CYP2U1: variants seen among roughly 807,000 people sequenced by gnomAD.
CYP2U1 encodes cytochrome P450 2U1.
A neutral mutation model predicts 42.8 loss-of-function variants in CYP2U1; 28 were observed. The ratio of observed to expected loss-of-function variants is 0.65; its 90% CI spans 0.48 to 0.90. CYP2U1 has a LOEUF of 0.90. Ranked by LOEUF, CYP2U1 falls within the 40% of genes least tolerant of loss-of-function variation. The pLI is 0.00. For synonymous variants in CYP2U1, 296 were observed against 278.9 expected (o/e 1.06, Z -0.61); for missense variants, 642 against 693.8 (o/e 0.93, Z 0.84).
chr4:107,934,147 A>G (rs1270249421), intron 1 of CYP2U1, among the ~76,000 whole-genome samples: 4 of 149,258 alleles, frequency 2.7e-5, no homozygotes, highest in Admixed American at 6.7e-5. Flanking sequence ...AGGGGTCCCA[A>G]TTTCTCCACG....
intron 1 of CYP2U1, chr4:107,941,169 A>G (rs1020063433): frequency 5.3e-5 from 8 of 152,094 alleles, no homozygotes; most frequent in Non-Finnish European, 1.2e-4. Flanking sequence ...AAAAACAGGA[A>G]GATAGAATTC....
Position 107,945,103 on chromosome 4 carries a change from A to G in CYP2U1, c.624A>G (p.Ala208=). The change falls in exon 2 of 5, where the codon GCA becomes GCG. Residue 208 remains alanine (A), a synonymous_variant. Coordinates refer to ENST00000332884, the MANE Select transcript of CYP2U1 (RefSeq NM_183075.3). The part of the protein sequence containing the change: ...KIIEEFKYVK[A]EMQKHGEDPF... Reference sequence around the variant, plus strand: ...TTGAGGAGTTCAAATATGTGAAAGCAGAAATGCAAAAGCACGGAGAAGACC... The same window carrying G: ...TTGAGGAGTTCAAATATGTGAAAGCGGAAATGCAAAAGCACGGAGAAGACC... 2 of 1,614,016 alleles carry G rather than the reference A, an allele frequency of 1.2e-6. No individual in the cohort carries two copies. Among genetic ancestry groups the G allele is most frequent in the South Asian group, 2.2e-5 (2 of 91,068 alleles).
intron 2 of CYP2U1, 31 bp downstream of exon 2, chr4:107,945,636 C>T (rs374255821): frequency 6.6e-7 from 1 of 1,525,892 alleles, no homozygotes; most frequent in Non-Finnish European, 8.8e-7. Context: ...TTGTTCATGG[C>T]AAAACCAGGT....
intron 1 of CYP2U1, chr4:107,940,964 T>G (rs1276820937): frequency 6.6e-6 from 1 of 152,154 alleles, no homozygotes; most frequent in African/African-American, 2.4e-5. Flanking sequence ...AGACATAATC[T>G]ATCTTCCCCA....
intron 3 of CYP2U1, among the ~76,000 whole-genome samples, chr4:107,948,855 T>C (rs2126202237): frequency 6.6e-6 from 1 of 152,152 alleles, no homozygotes; most frequent in East Asian, 1.9e-4. Flanking sequence ...AGATAGACTG[T>C]TTATAGTATC....
In CYP2U1 at chr4:107,952,284, T is replaced by G. The variant is rs1733937045; in HGVS notation, c.*1861T>G. On this transcript the variant is annotated 3_prime_UTR_variant, in exon 5 of 5. Transcript: ENST00000332884. ...CCAGTTTTTAAAAAAATCACTGGAC[T>G]TTTGTGTTTACCATTTAAAACAACC... The G allele has an allele frequency of 6.6e-6, 1 of 152,260 alleles. No homozygotes were observed. The highest frequency in any genetic ancestry group is 2.4e-5 in the African/African-American group (1 of 41,478). The allele number at this position is 152,260 out of a possible 1,614,324, so 9.4% of individuals were successfully genotyped here. A position where few individuals can be genotyped will look rare whatever the true frequency, so the allele number is the denominator to read the frequency against.
intron 1 of CYP2U1, among the ~76,000 whole-genome samples, chr4:107,936,950 T>C (rs1034360976): frequency 6.6e-6 from 1 of 152,154 alleles, no homozygotes; most frequent in Non-Finnish European, 1.5e-5. Context: ...TGATAAAAAT[T>C]AGGTAAATTT....
At chr4:107,946,270 G>A (rs141932879) in intron 2 of CYP2U1, among the ~76,000 whole-genome samples, 1 of 152,204 alleles carries the variant, frequency 6.6e-6, no homozygotes, top group Non-Finnish European at 1.5e-5. Flanking sequence ...ACAGCTCATG[G>A]TTTCCTTCTT....
At chr4:107,932,339 A>T (rs1367326301) in intron 1 of CYP2U1, among the ~76,000 whole-genome samples, 1 of 152,166 alleles carries the variant, frequency 6.6e-6, no homozygotes, top group Non-Finnish European at 1.5e-5. Context: ...CGGACGCGTG[A>T]CTTGCTCATA....
intron 1 of CYP2U1, among the ~76,000 whole-genome samples, chr4:107,942,489 A>G (rs1303932145): frequency 1.3e-5 from 2 of 152,254 alleles, no homozygotes; most frequent in Non-Finnish European, 2.9e-5. Flanking sequence ...GGACTTCCCT[A>G]TTAGATATAA....
intron 1 of CYP2U1, among the ~76,000 whole-genome samples, chr4:107,943,933 G>C (rs377075796): frequency 1.9e-4 from 29 of 152,316 alleles, no homozygotes; most frequent in African/African-American, 7.0e-4. Context: ...ATTTTGTGGG[G>C]TTTGATGGTG....
At chr4:107,944,493 A>G (rs1733611755) in intron 1 of CYP2U1, among the ~76,000 whole-genome samples, 1 of 149,084 alleles carries the variant, frequency 6.7e-6, no homozygotes, top group Non-Finnish European at 1.5e-5. Context: ...TTAAATAGAG[A>G]TGGGGTCTTG....
At position 107,932,398 on chromosome 4, in the gene CYP2U1, T is replaced by A. The variant is rs533201436; in HGVS notation, c.490+265T>A. Among the ~76,000 whole-genome samples, 6 of 152,288 alleles carry A rather than the reference T, an allele frequency of 3.9e-5. No individual in the cohort carries two copies. In the South Asian group the frequency reaches 1.2e-3, roughly 32 times the overall value. ...TCATCCGGAGATTGAGGGAGAGTAA[T>A]AGGGATGGCGGAAGGACAAGGTGGC... is the stretch of plus-strand genomic sequence containing the variant. On this transcript the variant is annotated intron_variant, in intron 1 of 4. Transcript: ENST00000332884.
Position 107,931,711 on chromosome 4 carries a change from C to T in CYP2U1, c.68C>T (p.Ala23Val). ...CCCTGGCCCGCGCGCCTCCTGCGTGCGCCTCTGGGGCTGCTGCGGCTGGAC... is the reference window on the plus strand; with the variant it reads ...CCCTGGCCCGCGCGCCTCCTGCGTGTGCCTCTGGGGCTGCTGCGGCTGGAC... ...DPPWPARLLRAPLGLLRLDPS... is the reference protein window; with the variant it reads ...DPPWPARLLRVPLGLLRLDPS... Residue 23 changes from alanine to valine, a missense_variant, in exon 1 of 5, where the codon GCG becomes GTG. Transcript: ENST00000332884. The T allele has an allele frequency of 7.4e-7, 1 of 1,354,834 alleles. No individual in the cohort carries two copies. The highest frequency in any genetic ancestry group is 9.4e-7 in the Non-Finnish European group (1 of 1,062,680). The allele number at this position is 1,354,834 out of a possible 1,614,324, so 83.9% of individuals were successfully genotyped here.
intron 1 of CYP2U1, chr4:107,938,147 A>C (rs931268612): frequency 6.6e-6 from 1 of 152,218 alleles, no homozygotes; most frequent in Non-Finnish European, 1.5e-5. Context: ...ATATCTTTAC[A>C]TAAACTCACC....
intron 1 of CYP2U1, among the ~76,000 whole-genome samples, chr4:107,934,164 C>T (rs1733161993): frequency 7.9e-6 from 1 of 126,260 alleles, no homozygotes; most frequent in Admixed American, 9.3e-5. Flanking sequence ...CACGTCCTCA[C>T]CAACACTTCT....
chr4:107,931,652 T>C lies in CYP2U1; in HGVS notation c.9T>C (p.Ser3=). Residue 3 remains serine, a synonymous_variant, in exon 1 of 5, where the codon TCT becomes TCC. Transcript: ENST00000332884. MS[S]PGPSQPPAED... ...CCGCCGGCGCCCGGACCATGTCGTC[T>C]CCGGGGCCGTCGCAGCCGCCGGCCG... 1.6e-6 allele frequency: 2 copies of C among 1,258,160 alleles called. No homozygotes were observed. Among genetic ancestry groups the C allele is most frequent in the Non-Finnish European group, 9.9e-7 (1 of 1,005,778 alleles). 77.9% of individuals were successfully genotyped at this position (1,258,160 alleles called of 1,614,324 possible). A position where few individuals can be genotyped will look rare whatever the true frequency, so the allele number is the denominator to read the frequency against.
At chr4:107,948,433 A>G (rs1578733410) in intron 3 of CYP2U1, among the ~76,000 whole-genome samples, 1 of 148,896 alleles carries the variant, frequency 6.7e-6, no homozygotes, top group African/African-American at 2.5e-5. Flanking sequence ...GCATGGTGGC[A>G]CACTTCTGTA....
At chr4:107,949,760 G>A (rs1170219463) in intron 4 of CYP2U1, among the ~76,000 whole-genome samples, 1 of 152,150 alleles carries the variant, frequency 6.6e-6, no homozygotes, top group Non-Finnish European at 1.5e-5. Flanking sequence ...ATTTTGGGGG[G>A]TCCCAGGGAG....
Sources: allele counts gnomAD v4.1 joint callset (sites outside exome capture counted in the v4.1 genomes callset), GRCh38; gene constraint gnomAD v4.1.1; transcripts MANE v1.5; gene names NCBI Gene and HGNC (gene_info 2026-07-23, HGNC 2026-07-21).